The following RBFOX1 variants were observed in gnomAD, a reference collection of about 807,000 sequenced individuals.
The protein encoded by RBFOX1 is RNA binding fox-1 homolog 1, also known as RNA binding protein fox-1 homolog 1.
A neutral mutation model predicts 57.7 loss-of-function variants in RBFOX1; 8 were observed. The ratio of observed to expected loss-of-function variants is 0.14; its 90% CI spans 0.08 to 0.25. The LOEUF (loss-of-function observed/expected upper bound fraction) is 0.25. RBFOX1 is among the 10% of genes least tolerant of loss of function. RBFOX1 has a pLI of 1.00. For synonymous variants in RBFOX1, 326 were observed against 222.4 expected (o/e 1.47, Z -4.15); for missense variants, 611 against 548.5 (o/e 1.11, Z -1.14).
intron 2 of RBFOX1, among the ~76,000 whole-genome samples, chr16:6,518,527 T>C (rs2096428467): frequency 6.6e-6 from 1 of 152,110 alleles, no homozygotes; most frequent in Non-Finnish European, 1.5e-5. Flanking sequence ...CATGTAGATC[T>C]GATTCCAGTT....
intron 2 of RBFOX1, among the ~76,000 whole-genome samples, chr16:6,526,915 A>G (rs547108086): frequency 1.3e-5 from 2 of 151,170 alleles, no homozygotes; most frequent in Non-Finnish European, 2.9e-5. Context: ...TCCCCATGGT[A>G]CATAAAAGAT....
intron 1 of RBFOX1, among the ~76,000 whole-genome samples, chr16:6,258,487 A>G (rs1271633835): frequency 6.6e-6 from 1 of 152,148 alleles, no homozygotes; most frequent in Non-Finnish European, 1.5e-5. Context: ...TCTGTTTCCA[A>G]ATAATCTTCC....
intron 3 of RBFOX1, among the ~76,000 whole-genome samples, chr16:5,789,168 T>C (rs1220069959): frequency 6.6e-6 from 1 of 152,196 alleles, no homozygotes; most frequent in Non-Finnish European, 1.5e-5. Flanking sequence ...TCTAATTAAA[T>C]ACATGGCAGC....
chr16:7,399,265 C>G (rs148975386), intron 4 of RBFOX1, among the ~76,000 whole-genome samples: 1 of 151,032 alleles, frequency 6.6e-6, no homozygotes, highest in Non-Finnish European at 1.5e-5. Flanking sequence ...TTGACCAACA[C>G]GGAGAAACCC....
intron 2 of RBFOX1, among the ~76,000 whole-genome samples, chr16:6,364,806 C>T (rs1036095967): frequency 2.6e-5 from 4 of 152,212 alleles, no homozygotes; most frequent in Admixed American, 2.0e-4. Context: ...TTGTTTCCCT[C>T]TGCCTGGTTG....
In RBFOX1 at chr16:6,584,123, C is replaced by G. The variant is rs373038300; in HGVS notation, c.-63-70480C>G. On this transcript the variant is annotated intron_variant, in intron 2 of 15. Transcript: ENST00000550418. The stretch of plus-strand genomic sequence containing the variant: ...AAGAAACGTAACCAAGTCAGAGTCT[C>G]CTAATGTATTCTGTGTTCCTATTGT... 9.2e-5 allele frequency among the ~76,000 whole-genome samples: 14 copies of G among 151,904 alleles called. No homozygotes were observed. In the East Asian group the frequency reaches 1.4e-3, roughly 15 times the overall value.
chr16:5,665,327 T>C (rs559606874), intron 3 of RBFOX1, among the ~76,000 whole-genome samples: 1 of 152,140 alleles, frequency 6.6e-6, no homozygotes, highest in Admixed American at 6.5e-5. Context: ...TTTCCAAGTG[T>C]CTGGCTCCTT....
chr16:5,396,835 C>A (rs998050085), intron 1 of RBFOX1, among the ~76,000 whole-genome samples: 2 of 152,196 alleles, frequency 1.3e-5, no homozygotes, highest in African/African-American at 4.8e-5. Context: ...AGATTGATTT[C>A]TTGAACTTCG....
chr16:6,474,646 G>A (rs998657882), intron 2 of RBFOX1, among the ~76,000 whole-genome samples: 2 of 152,124 alleles, frequency 1.3e-5, no homozygotes, highest in Admixed American at 6.5e-5. Context: ...GTGGATAGGC[G>A]AGGGAACCCA....
At chr16:5,998,115 G>C (rs766489173) in intron 4 of RBFOX1, among the ~76,000 whole-genome samples, 7 of 152,176 alleles carry the variant, frequency 4.6e-5, no homozygotes, top group Non-Finnish European at 7.3e-5. Flanking sequence ...CTGTACAGCA[G>C]AGTTTCAAGT....
intron 2 of RBFOX1, among the ~76,000 whole-genome samples, chr16:6,633,478 G>A (rs2098406503): frequency 6.6e-6 from 1 of 151,948 alleles, no homozygotes. Context: ...TTTTTTAGTA[G>A]AGATGGGTTT....
chr16:6,415,905 G>A lies in RBFOX1; in HGVS notation c.-64+98848G>A, dbSNP rs146661256. On this transcript the variant is annotated intron_variant, in intron 2 of 15. Transcript: ENST00000550418. ...TGCAGATGGGTGCCAGGTAAGATGG[G>A]TTCACTTTGAGGACCTTGGTTTAAT... 2.2e-3 allele frequency among the ~76,000 whole-genome samples: 329 copies of A among 152,282 alleles called. 1 individual carries two copies. The highest frequency in any genetic ancestry group is 0.014 in the Middle Eastern group (4 of 294).
intron 4 of RBFOX1, among the ~76,000 whole-genome samples, chr16:7,310,191 C>T (rs577069082): frequency 3.3e-5 from 5 of 152,242 alleles, no homozygotes; most frequent in Admixed American, 3.3e-4. Context: ...ACCCGCAGGC[C>T]GCCTCTGCTG....
chr16:5,615,873 A>T (rs2048004528), intron 3 of RBFOX1, among the ~76,000 whole-genome samples: 1 of 151,934 alleles, frequency 6.6e-6, no homozygotes, highest in African/African-American at 2.4e-5. Context: ...TTTTCTCCCC[A>T]ATTATTTGTG....
intron 5 of RBFOX1, among the ~76,000 whole-genome samples, chr16:7,572,375 C>A (rs74345949): frequency 6.6e-6 from 1 of 152,102 alleles, no homozygotes; most frequent in Admixed American, 6.5e-5. Flanking sequence ...GAGAACTTAC[C>A]ACGGACTCCA....
chr16:6,356,452 A>G (rs2087340545), intron 2 of RBFOX1, among the ~76,000 whole-genome samples: 1 of 152,190 alleles, frequency 6.6e-6, no homozygotes, highest in East Asian at 1.9e-4. Context: ...AACTATTAAT[A>G]TATTGGGAGA....
chr16:6,792,995 C>T (rs773587356), intron 3 of RBFOX1, among the ~76,000 whole-genome samples: 1 of 149,802 alleles, frequency 6.7e-6, no homozygotes, highest in Admixed American at 6.7e-5. Context: ...CATCACTGCA[C>T]TGCAGGCTGG....
chr16:7,344,593 A>T lies in RBFOX1; in HGVS notation c.28-173554A>T, dbSNP rs1229761905. On this transcript the variant is annotated intron_variant, in intron 4 of 15. Transcript: ENST00000550418. ...TATATGTAATATAAATGATAATAAT[A>T]ATTATTATTTCTACTCTTGCTACTA... is the stretch of plus-strand genomic sequence containing the variant. 2.0e-5 allele frequency among the ~76,000 whole-genome samples: 3 copies of T among 151,608 alleles called. No homozygotes were observed. The East Asian group carries it at 5.8e-4, about 29-fold the overall frequency.
intron 4 of RBFOX1, among the ~76,000 whole-genome samples, chr16:5,904,556 A>G (rs1192914366): frequency 6.6e-6 from 1 of 151,930 alleles, no homozygotes; most frequent in Non-Finnish European, 1.5e-5. Flanking sequence ...CATTCAGACC[A>G]TGGTGTGGTC....
Sources: gnomAD v4.1 joint callset for allele counts (sites outside exome capture counted in the v4.1 genomes callset) on GRCh38, gnomAD v4.1.1 for gene constraint, MANE v1.5 for transcripts, NCBI Gene and HGNC (gene_info 2026-07-23, HGNC 2026-07-21) for gene names.